ZSWIM5: variants seen among roughly 807,000 people sequenced by gnomAD.
ZSWIM5 encodes the protein zinc finger SWIM domain-containing protein 5.
ZSWIM5 carries 55 observed loss-of-function variants against 119.6 expected under a neutral mutation model. The observed-to-expected ratio is 0.46, with a 90% CI of 0.37 to 0.58. ZSWIM5 has a LOEUF of 0.58. Ranked by LOEUF, ZSWIM5 falls within the 20% of genes least tolerant of loss-of-function variation. The pLI is 0.00. For missense variants in ZSWIM5, 1,193 were observed against 1,512.8 expected (o/e 0.79, Z 3.51); for synonymous variants, 537 against 606.9 (o/e 0.88, Z 1.69).
intron 11 of ZSWIM5, among the ~76,000 whole-genome samples, chr1:45,033,255 T>C (rs1291575630): frequency 2.6e-5 from 4 of 152,258 alleles, no homozygotes; most frequent in African/African-American, 9.6e-5. Flanking sequence ...CTGTGAACTG[T>C]CTGATCATAT....
Position 45,129,153 on chromosome 1 carries a change from G to GTTTT in ZSWIM5, c.596-40920_596-40917dup, listed in dbSNP as rs869042927. On this transcript the variant is annotated intron_variant, in intron 1 of 13. Coordinates refer to ENST00000359600, the MANE Select transcript of ZSWIM5 (RefSeq NM_020883.2). ...TTATACTTTTCCTCACATACATCTT[G>GTTTT]TTTTTTTTTTTTTTTTTTTTTTTTT... Among the ~76,000 whole-genome samples the GTTTT allele has an allele frequency of 5.2e-3, 367 of 70,182 alleles. 19 individuals are homozygous for GTTTT. Among genetic ancestry groups the GTTTT allele is most frequent in the Middle Eastern group, 0.036 (2 of 56 alleles). The allele number at this position is 70,182 out of a possible 152,430, so 46.0% of individuals were successfully genotyped here. A position where few individuals can be genotyped will look rare whatever the true frequency, so the allele number is the denominator to read the frequency against.
chr1:45,044,899 G>A (rs1404888698), intron 5 of ZSWIM5, among the ~76,000 whole-genome samples: 1 of 133,514 alleles, frequency 7.5e-6, no homozygotes, highest in African/African-American at 2.8e-5. Context: ...ATTCAGAGGG[G>A]CTGAGTCAGG....
chr1:45,077,034 C>G (rs1645259814), intron 2 of ZSWIM5, among the ~76,000 whole-genome samples: 1 of 152,080 alleles, frequency 6.6e-6, no homozygotes, highest in South Asian at 2.1e-4. Flanking sequence ...CTTTGAGTTT[C>G]CTCAAAACAG....
At chr1:45,070,100 T>C in intron 2 of ZSWIM5, 1 of 986,948 alleles carries the variant, frequency 1.0e-6, no homozygotes, top group South Asian at 1.3e-5. Context: ...TTGGGATATT[T>C]GGTGCATTCG....
At chr1:45,110,396 C>T (rs1325724143) in intron 1 of ZSWIM5, among the ~76,000 whole-genome samples, 6 of 152,128 alleles carry the variant, frequency 3.9e-5, no homozygotes, top group African/African-American at 1.4e-4. Context: ...TAATTCAGGT[C>T]TAGATTCAAG....
chr1:45,105,444 C>A (rs551337204), intron 1 of ZSWIM5, among the ~76,000 whole-genome samples: 10 of 148,342 alleles, frequency 6.7e-5, no homozygotes, highest in South Asian at 4.2e-4. Flanking sequence ...TCTGCCCGGC[C>A]GCCCCGTCTG....
At chr1:45,147,542 T>A (rs1645769600) in intron 1 of ZSWIM5, among the ~76,000 whole-genome samples, 1 of 135,780 alleles carries the variant, frequency 7.4e-6, no homozygotes, top group East Asian at 2.1e-4. Flanking sequence ...CTAAGAAAGA[T>A]CTCTTAATCT....
chr1:45,075,743 C>G (rs911103522), intron 2 of ZSWIM5, among the ~76,000 whole-genome samples: 2 of 151,998 alleles, frequency 1.3e-5, no homozygotes, highest in South Asian at 4.1e-4. Context: ...TTAGTCCTGC[C>G]ATTTTGTTAT....
intron 2 of ZSWIM5, among the ~76,000 whole-genome samples, chr1:45,079,566 A>G (rs1320985433): frequency 6.6e-6 from 1 of 152,178 alleles, no homozygotes; most frequent in Admixed American, 6.5e-5. Context: ...TCCAAGAGCC[A>G]AGTCCTGGAA....
intron 1 of ZSWIM5, among the ~76,000 whole-genome samples, chr1:45,201,325 G>T (rs1208357779): frequency 6.6e-6 from 1 of 152,104 alleles, no homozygotes; most frequent in African/African-American, 2.4e-5. Flanking sequence ...TGTTACAGCA[G>T]CCATAGGAAA....
In ZSWIM5 at chr1:45,036,348, T is replaced by G. The variant is rs745689467; in HGVS notation, c.1895-49A>C. On this transcript the variant is annotated intron_variant, in intron 8 of 13. Transcript: ENST00000359600. ...TCTTTAGGTTAGGCTTGGTAGAGTC[T>G]TCTTTCTTTTTTTTTTTTTTTTTTG... The G allele has an allele frequency of 2.0e-6, 3 of 1,491,042 alleles. No individual in the cohort carries two copies. The South Asian group carries it at 4.0e-5, about 20-fold the overall frequency. The allele number at this position is 1,491,042 out of a possible 1,614,324, so 92.4% of individuals were successfully genotyped here.
chr1:45,099,213 G>C (rs1438010172), intron 1 of ZSWIM5, among the ~76,000 whole-genome samples: 1 of 151,890 alleles, frequency 6.6e-6, no homozygotes, highest in South Asian at 2.1e-4. Flanking sequence ...ATGATAAAAG[G>C]GATATTACCA....
chr1:45,058,781 G>A lies in ZSWIM5; in HGVS notation c.1102-22C>T, dbSNP rs563420515. The A allele has an allele frequency of 1.1e-4, 177 of 1,612,976 alleles. No individual in the cohort carries two copies. The African/African-American group carries it at 1.6e-3, about 15-fold the overall frequency. On this transcript the variant is annotated intron_variant, in intron 3 of 13. Transcript: ENST00000359600. ...GAACCTGACACATAAGAAGTGGCAA[G>A]GGATTGGTGATTGTGTATCACAAAA...
intron 1 of ZSWIM5, among the ~76,000 whole-genome samples, chr1:45,196,390 T>TTTG (rs1416924152): frequency 7.3e-6 from 1 of 136,706 alleles, no homozygotes; most frequent in Non-Finnish European, 1.6e-5. Context: ...ATTCCTTTTT[T>TTTG]TTTTTTTTTT....
rs1243423162 is a variant in ZSWIM5, at chr1:45,017,015, G to A, written c.*1439C>T. Reference sequence around the variant, plus strand: ...GGAAGCTTGAGGTAGAAAGGCAGGGGAAGAAAGCAAGTATGAGGCGAGAAG... The same window carrying A: ...GGAAGCTTGAGGTAGAAAGGCAGGGAAAGAAAGCAAGTATGAGGCGAGAAG... On this transcript the variant is annotated 3_prime_UTR_variant, in exon 14 of 14. Transcript: ENST00000359600. 5.2e-5 allele frequency: 8 copies of A among 152,398 alleles called. No homozygotes were observed. Among genetic ancestry groups the A allele is most frequent in the Non-Finnish European group, 7.3e-5 (5 of 68,112 alleles). 9.4% of individuals were successfully genotyped at this position (152,398 alleles called of 1,614,324 possible).
At chr1:45,144,254 A>T (rs1274812828) in intron 1 of ZSWIM5, among the ~76,000 whole-genome samples, 1 of 152,104 alleles carries the variant, frequency 6.6e-6, no homozygotes, top group African/African-American at 2.4e-5. Flanking sequence ...GCAGCCAGGC[A>T]TGGTGGTTCA....
chr1:45,108,078 G>T (rs1645492870), intron 1 of ZSWIM5, among the ~76,000 whole-genome samples: 1 of 152,108 alleles, frequency 6.6e-6, no homozygotes, highest in Non-Finnish European at 1.5e-5. Context: ...TTAATTACAT[G>T]TGTGAGCCAC....
chr1:45,160,756 A>G (rs897669050), intron 1 of ZSWIM5, among the ~76,000 whole-genome samples: 4 of 151,310 alleles, frequency 2.6e-5, no homozygotes, highest in African/African-American at 9.7e-5. Flanking sequence ...CCAGGGTTCA[A>G]GCGATTCTCC....
At chr1:45,152,071 G>A (rs1277672451) in intron 1 of ZSWIM5, among the ~76,000 whole-genome samples, 1 of 152,122 alleles carries the variant, frequency 6.6e-6, no homozygotes, top group African/African-American at 2.4e-5. Flanking sequence ...GTCTGGGGAG[G>A]TAGGTAAGGG....
Sources: gnomAD v4.1 joint callset for allele counts (sites outside exome capture counted in the v4.1 genomes callset) on GRCh38, gnomAD v4.1.1 for gene constraint, MANE v1.5 for transcripts, NCBI Gene and HGNC (gene_info 2026-07-23, HGNC 2026-07-21) for gene names.